SBF2: variants seen among roughly 807,000 people sequenced by gnomAD.
SBF2 encodes SET binding factor 2.
SBF2 carries 112 observed loss-of-function variants against 225.2 expected under a neutral mutation model. That is an observed-to-expected ratio of 0.50 (90% CI 0.43 to 0.58). The LOEUF (loss-of-function observed/expected upper bound fraction) is 0.58, where lower values mean the gene tolerates loss of function less well. Ranked by LOEUF, SBF2 falls within the 20% of genes least tolerant of loss-of-function variation. SBF2 has a pLI of 0.00. For synonymous variants in SBF2, 763 were observed against 773.3 expected, an observed-to-expected ratio of 0.99 and a Z score of 0.22; for missense variants, 1,996 against 2,206.2, an observed-to-expected ratio of 0.90 and a Z score of 1.91.
chr11:10,197,672 G>A (rs1957428224), intron 1 of SBF2, among the ~76,000 whole-genome samples: 1 of 152,156 alleles, frequency 6.6e-6, no homozygotes. Flanking sequence ...AGCATGCAAT[G>A]CTGTTTGATG....
At chr11:10,189,505 T>G (rs1389527143) in intron 2 of SBF2, among the ~76,000 whole-genome samples, 1 of 152,196 alleles carries the variant, frequency 6.6e-6, no homozygotes, top group African/African-American at 2.4e-5. Context: ...CATCCCATAT[T>G]AAAGCTACTT....
intron 3 of SBF2, among the ~76,000 whole-genome samples, chr11:10,038,270 G>T (rs1949524338): frequency 6.6e-6 from 1 of 151,938 alleles, no homozygotes; most frequent in Non-Finnish European, 1.5e-5. Context: ...TCTGTAAAAT[G>T]GAAATGTTAA....
At chr11:9,828,276 C>G in intron 28 of SBF2, 1 of 1,267,910 alleles carries the variant, frequency 7.9e-7, no homozygotes, top group Non-Finnish European at 1.0e-6. Context: ...TAACATTACT[C>G]AAATGACAAA....
chr11:10,046,046 C>T (rs539772340), intron 2 of SBF2, among the ~76,000 whole-genome samples: 4 of 152,140 alleles, frequency 2.6e-5, no homozygotes, highest in African/African-American at 9.6e-5. Flanking sequence ...ATAACATTTA[C>T]ATTGTCTTAG....
Position 9,853,725 on chromosome 11 carries a change from A to G in SBF2, c.2364-13T>C, listed in dbSNP as rs1434099214. The G allele has an allele frequency of 6.2e-7, 1 of 1,613,306 alleles. No individual in the cohort carries two copies. Among genetic ancestry groups the G allele is most frequent in the African/African-American group, 1.3e-5 (1 of 75,030 alleles). On this transcript the variant is annotated splice_polypyrimidine_tract_variant and intron_variant, in intron 19 of 39. Transcript: ENST00000256190. ...ACTTCCTGCAATACTAAGACAGTCA[A>G]GGAAAGAAATCATGGTCAGTACTTA...
chr11:9,988,544 T>G (rs1430703309), intron 13 of SBF2, among the ~76,000 whole-genome samples: 2 of 151,410 alleles, frequency 1.3e-5, no homozygotes, highest in Admixed American at 6.6e-5. Context: ...TACAACAAAC[T>G]CAAACAAATC....
At chr11:10,279,021 C>A (rs1267324989) in intron 1 of SBF2, among the ~76,000 whole-genome samples, 1 of 146,530 alleles carries the variant, frequency 6.8e-6, no homozygotes, top group Non-Finnish European at 1.5e-5. Context: ...ATGGCTGAGG[C>A]CATGAGTTTG....
At chr11:9,920,492 C>T (rs147938304) in intron 16 of SBF2, among the ~76,000 whole-genome samples, 2 of 152,264 alleles carry the variant, frequency 1.3e-5, no homozygotes, top group African/African-American at 4.8e-5. Context: ...CATATGCCTA[C>T]ATAAAACCTA....
chr11:9,815,281 T>TAAAAAAA (rs35464212), intron 29 of SBF2, among the ~76,000 whole-genome samples: 1 of 42,804 alleles, frequency 2.3e-5, no homozygotes, highest in Non-Finnish European at 3.8e-5. Flanking sequence ...CTACTAAAAC[T>TAAAAAAA]AAAAAAAAAA....
At chr11:10,129,573 A>C (rs1450433772) in intron 2 of SBF2, among the ~76,000 whole-genome samples, 1 of 152,230 alleles carries the variant, frequency 6.6e-6, no homozygotes, top group African/African-American at 2.4e-5. Context: ...AAAGCAATTA[A>C]TTGGGAATCA....
At chr11:9,793,293 C>A (rs1179152167) in intron 33 of SBF2, among the ~76,000 whole-genome samples, 1 of 152,138 alleles carries the variant, frequency 6.6e-6, no homozygotes, top group African/African-American at 2.4e-5. Context: ...CCCAAAGTTA[C>A]TGACATTTTC....
intron 1 of SBF2, among the ~76,000 whole-genome samples, chr11:10,197,598 A>C (rs1198922276): frequency 6.6e-6 from 1 of 152,220 alleles, no homozygotes; most frequent in Non-Finnish European, 1.5e-5. Flanking sequence ...CAATTATTGA[A>C]AACGAGACAA....
At chr11:9,885,952 T>C (rs1370617898) in intron 17 of SBF2, among the ~76,000 whole-genome samples, 5 of 152,170 alleles carry the variant, frequency 3.3e-5, no homozygotes, top group Non-Finnish European at 5.9e-5. Context: ...AGTACGATCT[T>C]GGCCTTCACC....
chr11:10,275,447 A>G (rs956213734), intron 1 of SBF2, among the ~76,000 whole-genome samples: 2 of 152,214 alleles, frequency 1.3e-5, no homozygotes, highest in African/African-American at 4.8e-5. Context: ...TACTTACACA[A>G]GATAAAACTA....
Position 10,021,940 on chromosome 11 carries a change from C to T in SBF2, c.619+6512G>A, listed in dbSNP as rs1389349315. ...CTGCTTTGCTTCCTTATCTTTTCCC[C>T]ATTCTTTCCCAGAAAAAAGTGAATT... On this transcript the variant is annotated intron_variant, in intron 6 of 39. Transcript: ENST00000256190. Among the ~76,000 whole-genome samples the T allele has an allele frequency of 2.6e-5, 4 of 152,306 alleles. No homozygotes were observed. The East Asian group carries it at 7.7e-4, about 29-fold the overall frequency.
rs376928974 is a variant in SBF2 at position 9,901,406 on chromosome 11, T to C, written c.1861-5395A>G. On this transcript the variant is annotated intron_variant, in intron 16 of 39. Coordinates refer to ENST00000256190, the MANE Select transcript of SBF2 (RefSeq NM_030962.4). ...ATCCTGAGCCCTACAACCAAATGAA[T>C]AGACCCCTGGCCAAAGGGATCCCAG... 9.9e-5 allele frequency among the ~76,000 whole-genome samples: 15 copies of C among 152,212 alleles called. No homozygotes were observed. In the South Asian group the frequency reaches 1.0e-3, roughly 11 times the overall value.
chr11:10,222,616 GA>G (rs1416143256), intron 1 of SBF2, among the ~76,000 whole-genome samples: 1 of 152,178 alleles, frequency 6.6e-6, no homozygotes, highest in Non-Finnish European at 1.5e-5. Flanking sequence ...AAAAGGAACA[GA>G]GCCTCATGAC....
intron 2 of SBF2, among the ~76,000 whole-genome samples, chr11:10,180,847 T>A (rs890805006): frequency 6.6e-6 from 1 of 152,186 alleles, no homozygotes; most frequent in Non-Finnish European, 1.5e-5. Context: ...TCTGATGCAT[T>A]CCTTAGCTTT....
At chr11:9,886,968 CT>C (rs1321830467) in intron 17 of SBF2, among the ~76,000 whole-genome samples, 1 of 152,074 alleles carries the variant, frequency 6.6e-6, no homozygotes. Flanking sequence ...GACTTGTTGG[CT>C]TTTGTAGTCC....
Sources: gnomAD v4.1 joint callset for allele counts (sites outside exome capture counted in the v4.1 genomes callset) on GRCh38, gnomAD v4.1.1 for gene constraint, MANE v1.5 for transcripts, NCBI Gene and HGNC (gene_info 2026-07-23, HGNC 2026-07-21) for gene names.